MKI67: variants seen among roughly 807,000 people sequenced by gnomAD.
The protein encoded by MKI67 is marker of proliferation Ki-67, also known as proliferation marker protein Ki-67.
MKI67 carries 152 observed loss-of-function variants against 233.5 expected under a neutral mutation model. That is an observed-to-expected ratio of 0.65 (90% CI 0.57 to 0.74). The LOEUF (loss-of-function observed/expected upper bound fraction) is 0.74. Among genes scored for constraint, MKI67 ranks in the 30% least tolerant of loss-of-function variants. The pLI is 0.00. For synonymous variants in MKI67, 1,465 were observed against 1,418.5 expected, an observed-to-expected ratio of 1.03 and a Z score of -0.74; for missense variants, 3,940 against 3,885.2, an observed-to-expected ratio of 1.01 and a Z score of -0.37.
At chr10:128,111,435 G>T in intron 11 of MKI67, 2 of 526,856 alleles carry the variant, frequency 3.8e-6, no homozygotes, top group Non-Finnish European at 6.6e-6. Context: ...ATTTCATGCA[G>T]GACATGTGAT....
At chr10:128,114,161 A>G (rs868490333) in intron 7 of MKI67, among the ~76,000 whole-genome samples, 3 of 152,232 alleles carry the variant, frequency 2.0e-5, no homozygotes, top group Non-Finnish European at 4.4e-5. Flanking sequence ...CGACAGCCTC[A>G]TGCCCCACCG....
In MKI67 at chr10:128,104,106, A is replaced by G. The variant is rs147279647; in HGVS notation, c.7734T>C (p.Ile2578=). Reference sequence around the variant, plus strand: ...TGCAGGGAATTTTTGTGTTTTTGTCAATAGTCATTGACTCTTCAGTGTGAC... The same window carrying G: ...TGCAGGGAATTTTTGTGTTTTTGTCGATAGTCATTGACTCTTCAGTGTGAC... ...APGHTEESMT[I]DKNTKIPCKS... The change falls in exon 13 of 15, where the codon ATT becomes ATC. Residue 2578 remains isoleucine, a synonymous_variant. Transcript: ENST00000368654. 8.7e-6 allele frequency: 14 copies of G among 1,613,854 alleles called. No individual in the cohort carries two copies. The highest frequency in any genetic ancestry group is 2.7e-5 in the African/African-American group (2 of 74,854).
chr10:128,121,439 CTGT>C (rs1164646962), intron 4 of MKI67, among the ~76,000 whole-genome samples: 1 of 133,612 alleles, frequency 7.5e-6, no homozygotes, highest in Non-Finnish European at 1.6e-5. Context: ...ATAGTATATA[CTGT>C]ATACAGTATA....
Position 128,106,761 on chromosome 10 carries a change from G to C in MKI67, c.5079C>G (p.Ser1693Arg). The C allele has an allele frequency of 6.2e-7, 1 of 1,614,074 alleles. No individual in the cohort carries two copies. The highest frequency in any genetic ancestry group is 8.5e-7 in the Non-Finnish European group (1 of 1,180,040). Residue 1693 changes from serine (S) to arginine (R), a missense_variant, in exon 13 of 15, where the codon AGC (serine) becomes AGG (arginine). Physicochemically the swap from Ser to Arg is moderately radical, Grantham distance 110. Transcript: ENST00000368654. Reference protein sequence around the residue: ...ILDSAASLTGSKRQLRTPKGK... With the variant: ...ILDSAASLTGRKRQLRTPKGK... ...CCTTAGGAGTTCTCAGCTGCCTCTTGCTGCCAGTTAGACTTGCTGCTGAGT... is the reference window on the plus strand; with the variant it reads ...CCTTAGGAGTTCTCAGCTGCCTCTTCCTGCCAGTTAGACTTGCTGCTGAGT...
In MKI67 at chr10:128,114,961, A is replaced by G; in HGVS notation, c.1447T>C (p.Ser483Pro). Residue 483 changes from serine (S) to proline (P), a missense_variant, in exon 7 of 15, where the codon TCA (serine) becomes CCA (proline). By Grantham distance (74) the Ser-to-Pro change is moderately conservative. Coordinates refer to ENST00000368654, the MANE Select transcript of MKI67 (RefSeq NM_002417.5). ...TCACCAAAGTTGTTGATATCAACTG[A>G]ACTAAGACCAGGTAACCCAGAGCAC... ...QMCSGLPGLS[S>P]VDINNFGDSI... is the part of the protein sequence containing the mutation. 7 of 1,578,634 alleles carry G rather than the reference A, an allele frequency of 4.4e-6. No homozygotes were observed. The highest frequency in any genetic ancestry group is 6.0e-6 in the Non-Finnish European group (7 of 1,159,650).
rs748751678 is a variant in MKI67, at chr10:128,102,675, A to G, written c.9165T>C (p.Ser3055=). The change falls in exon 13 of 15, where the codon TCT becomes TCC. Residue 3055 remains serine (S), a synonymous_variant. Transcript: ENST00000368654. ...VVIMKRSLRT[S]AKRIEPAEEL... ...CTTCCGCAGGTTCAATTCTTTTTGC[A>G]GAAGTCCTCAAACTTCTCTTCATGA... 6.2e-6 allele frequency: 10 copies of G among 1,614,056 alleles called. No homozygotes were observed. In the South Asian group the frequency reaches 1.1e-4, roughly 18 times the overall value.
At position 128,104,116 on chromosome 10, in the gene MKI67, G is replaced by A; in HGVS notation, c.7724C>T (p.Ser2575Leu). Residue 2575 changes from serine to leucine, a missense_variant, in exon 13 of 15, where the codon TCA becomes TTA. Physicochemically the swap from Ser to Leu is moderately radical, Grantham distance 145 (BLOSUM62 -2). Coordinates refer to ENST00000368654, the MANE Select transcript of MKI67 (RefSeq NM_002417.5). ...TTTTGTGTTTTTGTCAATAGTCATT[G>A]ACTCTTCAGTGTGACCTGGTGCTGA... ...LFSAPGHTEE[S>L]MTIDKNTKIP... The A allele has an allele frequency of 6.2e-7, 1 of 1,614,096 alleles. No individual in the cohort carries two copies. The highest frequency in any genetic ancestry group is 8.5e-7 in the Non-Finnish European group (1 of 1,180,032).
At chr10:128,102,510 C>A (rs183460381) in intron 13 of MKI67, 69 bp downstream of exon 13, 506 of 1,546,714 alleles carry the variant, frequency 3.3e-4, no homozygotes, top group Non-Finnish European at 4.3e-4. Flanking sequence ...AGGTTACATG[C>A]AAAGTATAAC....
rs1426474333 is a variant in MKI67 at position 128,105,911 on chromosome 10, T to A, written c.5929A>T (p.Thr1977Ser). The A allele has an allele frequency of 4.3e-6, 7 of 1,613,894 alleles. No homozygotes were observed. The African/African-American group carries it at 9.4e-5, about 22-fold the overall frequency. The change falls in exon 13 of 15, where the codon ACA becomes TCA. Residue 1977 changes from threonine (T) to serine (S), a missense_variant. Thr to Ser is a moderately conservative substitution (Grantham distance 58). Coordinates refer to ENST00000368654, the MANE Select transcript of MKI67 (RefSeq NM_002417.5). ...TEESMTDDKI[T>S]EVSCKSPQPD... ...TGTGGAGATTTGCAGGATACTTCTGTGATTTTGTCATCGGTCATTGATTCC... is the reference window on the plus strand; with the variant it reads ...TGTGGAGATTTGCAGGATACTTCTGAGATTTTGTCATCGGTCATTGATTCC...
At position 128,109,051 on chromosome 10, in the gene MKI67, T is replaced by A. The variant is rs143153909; in HGVS notation, c.2789A>T (p.Glu930Val). The change falls in exon 13 of 15, where the codon GAG (glutamate) becomes GTG (valine). Residue 930 changes from glutamate to valine, a missense_variant. Coordinates refer to ENST00000368654, the MANE Select transcript of MKI67 (RefSeq NM_002417.5). The part of the protein sequence containing the change: ...GEMKEIERPF[E>V]TYKENIELKE... ...TAATTCAATATTTTCCTTATATGTC[T>A]CAAAAGGTCTTTCTATTTCCTTCAT... 1.2e-6 allele frequency: 2 copies of A among 1,614,118 alleles called. No homozygotes were observed. The highest frequency in any genetic ancestry group is 1.7e-6 in the Non-Finnish European group (2 of 1,180,042).
rs771030368 is a variant in MKI67, at chr10:128,105,323, T to C, written c.6517A>G (p.Ser2173Gly). Residue 2173 changes from serine to glycine, a missense_variant, in exon 13 of 15, where the codon AGT becomes GGT. By Grantham distance (56) the Ser-to-Gly change is moderately conservative. Transcript: ENST00000368654. ...TAKQKLDPAA[S>G]VTGSKRQPRT... is the part of the protein sequence containing the mutation. The stretch of plus-strand genomic sequence containing the variant: ...GGCTGCCTCTTGCTACCAGTTACAC[T>C]TGCTGCTGGGTCCAGTTTCTGTTTT... 4.3e-6 allele frequency: 7 copies of C among 1,614,148 alleles called. No individual in the cohort carries two copies. Among genetic ancestry groups the C allele is most frequent in the Non-Finnish European group, 5.1e-6 (6 of 1,180,032 alleles).
chr10:128,109,322 T>G lies in MKI67; in HGVS notation c.2518A>C (p.Asn840His). The G allele has an allele frequency of 6.2e-7, 1 of 1,614,194 alleles. No individual in the cohort carries two copies. Among genetic ancestry groups the G allele is most frequent in the Non-Finnish European group, 8.5e-7 (1 of 1,180,032 alleles). The change falls in exon 13 of 15, where the codon AAC (asparagine) becomes CAC (histidine). Residue 840 changes from asparagine (N) to histidine (H), a missense_variant. Physicochemically the swap from Asn to His is moderately conservative, Grantham distance 68. Transcript: ENST00000368654. ...LRRQCIRENG[N>H]VAKTPRNTYK... ...GTGTTCCTGGGCGTTTTTGCTACGT[T>G]TCCATTTTCTCTAATACACTGCCGT...
Position 128,125,519 on chromosome 10 carries a change from A to C in MKI67, c.92+57T>G, listed in dbSNP as rs1160941342. 2.9e-6 allele frequency: 4 copies of C among 1,394,928 alleles called. No individual in the cohort carries two copies. Among genetic ancestry groups the C allele is most frequent in the Non-Finnish European group, 4.1e-6 (4 of 983,382 alleles). The allele number at this position is 1,394,928 out of a possible 1,614,324, so 86.4% of individuals were successfully genotyped here. ...GCGCGTTTCTGGACTTTATTCTGTG[A>C]CTAAGGTATTTTCCTCTTTCTCAGC... On this transcript the variant is annotated intron_variant, in intron 2 of 14. Transcript: ENST00000368654. This position sits in a 1 kb window ranked among gnomAD's most constrained non-coding sequence, Gnocchi z 5.3.
At position 128,104,606 on chromosome 10, in the gene MKI67, C is replaced by T; in HGVS notation, c.7234G>A (p.Asp2412Asn). 2 of 1,613,886 alleles carry T rather than the reference C, an allele frequency of 1.2e-6. No individual in the cohort carries two copies. Among genetic ancestry groups the T allele is most frequent in the South Asian group, 2.2e-5 (2 of 91,074 alleles). ...CTGCCAGGTAAATTTCCTAGCAGGT[C>T]CAGTTTCTGCACTGGAGTTTCCACA... is the stretch of plus-strand genomic sequence containing the variant. ...TFVETPVQKL[D>N]LLGNLPGSKR... is the part of the protein sequence containing the mutation. The change falls in exon 13 of 15, where the codon GAC (aspartate) becomes AAC (asparagine). Residue 2412 changes from aspartate to asparagine, a missense_variant. Physicochemically the swap from Asp to Asn is conservative, Grantham distance 23. Transcript: ENST00000368654.
At chr10:128,099,316 A>G in intron 14 of MKI67, 61 bp from the exon 15 acceptor site, 1 of 1,374,956 alleles carries the variant, frequency 7.3e-7, no homozygotes, top group South Asian at 1.2e-5. Flanking sequence ...TTTAGAATCG[A>G]CCTCCTCTGC....
At chr10:128,123,728 ATTG>A (rs1852998525) in intron 2 of MKI67, among the ~76,000 whole-genome samples, 2 of 152,172 alleles carry the variant, frequency 1.3e-5, no homozygotes, top group Admixed American at 6.5e-5. Context: ...TAAGCTTTTC[ATTG>A]TTGTTTTAAA....
At chr10:128,119,369 G>T in intron 4 of MKI67, 50 bp from the exon 5 acceptor site, 1 of 1,337,642 alleles carries the variant, frequency 7.5e-7, no homozygotes, top group Non-Finnish European at 1.1e-6. Context: ...TATACCCTGG[G>T]GCGGAAGTCT....
At position 128,103,084 on chromosome 10, in the gene MKI67, G is replaced by T; in HGVS notation, c.8756C>A (p.Ala2919Asp). The change falls in exon 13 of 15, where the codon GCC becomes GAC. Residue 2919 changes from alanine to aspartate, a missense_variant. Transcript: ENST00000368654. ...KEKAQPLEDL[A>D]SFQELSQTPG... ...TGTTTGAGAGAGCTCTTGGAAGCTG[G>T]CCAGATCTTCCAGGGGTTGGGCCTT... 1 of 1,614,238 alleles carries T rather than the reference G, an allele frequency of 6.2e-7. No homozygotes were observed. The highest frequency in any genetic ancestry group is 8.5e-7 in the Non-Finnish European group (1 of 1,180,036).
intron 11 of MKI67, 47 bp from the exon 12 acceptor site, chr10:128,110,580 G>GC (rs1319241690): frequency 7.0e-7 from 1 of 1,436,162 alleles, no homozygotes; most frequent in Non-Finnish European, 9.5e-7. Context: ...TTGCTAACAT[G>GC]CAGACAACCA....
Sources: gnomAD v4.1 joint callset for allele counts (sites outside exome capture counted in the v4.1 genomes callset) on GRCh38, gnomAD v4.1.1 for gene constraint, Gnocchi (gnomAD v3.1) non-coding constraint, MANE v1.5 for transcripts, NCBI Gene and HGNC (gene_info 2026-07-23, HGNC 2026-07-21) for gene names.